The following GPHN variants were observed in gnomAD, a reference collection of about 807,000 sequenced individuals.
GPHN encodes gephyrin.
Under a neutral mutation model 95.5 loss-of-function variants are expected in GPHN, and 17 were observed. That is an observed-to-expected ratio of 0.18 (90% CI 0.12 to 0.27). The LOEUF (loss-of-function observed/expected upper bound fraction) is 0.27, where lower values mean the gene tolerates loss of function less well. GPHN is among the 10% of genes least tolerant of loss of function. The pLI is 1.00. For missense variants in GPHN, 660 were observed against 978.1 expected, an observed-to-expected ratio of 0.67 and a Z score of 4.34; for synonymous variants, 320 against 322.5, an observed-to-expected ratio of 0.99 and a Z score of 0.08.
chr14:67,171,743 A>G (rs1595481014), intron 21 of GPHN, among the ~76,000 whole-genome samples: 1 of 152,188 alleles, frequency 6.6e-6, no homozygotes, highest in African/African-American at 2.4e-5. Flanking sequence ...GTATCCGTGG[A>G]GTAACAGAAA....
chr14:67,021,851 G>A (rs1267211662), intron 9 of GPHN, among the ~76,000 whole-genome samples: 1 of 152,022 alleles, frequency 6.6e-6, no homozygotes, highest in Non-Finnish European at 1.5e-5. Flanking sequence ...CTTTCCATTC[G>A]CAAACATTGC....
chr14:67,201,654 G>A, the GPHN span: 491 of 398,080 alleles, frequency 1.2e-3, 3 homozygotes, highest in Non-Finnish European at 1.7e-3. Flanking sequence ...AAGTTAATCA[G>A]GATTTAATCC....
the GPHN span, chr14:67,685,133 T>A: frequency 1.9e-6 from 3 of 1,614,124 alleles, no homozygotes; most frequent in Non-Finnish European, 2.5e-6. Flanking sequence ...ATCCATCTCA[T>A]GAAAGATGAG....
rs535931339 is a variant in GPHN, at chr14:66,689,916, T to C, written c.143+8731T>C. Among the ~76,000 whole-genome samples, 6 of 152,176 alleles carry C rather than the reference T, an allele frequency of 3.9e-5. No homozygotes were observed. The South Asian group carries it at 1.2e-3, about 32-fold the overall frequency. On this transcript the variant is annotated intron_variant, in intron 2 of 22. Coordinates refer to ENST00000478722, the MANE Select transcript of GPHN (RefSeq NM_020806.5). ...TTTTATTTATTTGAGTCTTTTTTTA[T>C]CTTGGTTTATTTGGGTCTTTTCTCT...
At chr14:67,723,528 C>G in the GPHN span, among the ~76,000 whole-genome samples, 1 of 152,170 alleles carries the variant, frequency 6.6e-6, no homozygotes, top group Non-Finnish European at 1.5e-5. Context: ...AGCCACTGGG[C>G]TCAGCCTAAA....
At chr14:66,547,458 C>T (rs1370423907) in intron 1 of GPHN, among the ~76,000 whole-genome samples, 4 of 152,066 alleles carry the variant, frequency 2.6e-5, no homozygotes, top group Admixed American at 6.6e-5. Flanking sequence ...TGTCATATGA[C>T]GCATGGGCCA....
At chr14:66,753,544 A>G (rs1410816794) in intron 2 of GPHN, among the ~76,000 whole-genome samples, 3 of 152,030 alleles carry the variant, frequency 2.0e-5, no homozygotes, top group Admixed American at 2.0e-4. Context: ...GTTATATTCT[A>G]TTCTATTTTC....
the GPHN span, among the ~76,000 whole-genome samples, chr14:67,212,768 A>G: frequency 1.7e-3 from 254 of 151,740 alleles, 2 homozygotes; most frequent in African/African-American, 6.1e-3. Flanking sequence ...CTAACAAAGT[A>G]TAGGCCAAGG....
At chr14:66,708,972 A>G (rs1430297474) in intron 2 of GPHN, among the ~76,000 whole-genome samples, 1 of 152,200 alleles carries the variant, frequency 6.6e-6, no homozygotes, top group Non-Finnish European at 1.5e-5. Flanking sequence ...GTATTAAAAC[A>G]TAAGAGTTCA....
the GPHN span, chr14:67,198,222 C>T: frequency 6.2e-7 from 1 of 1,613,860 alleles, no homozygotes; most frequent in Non-Finnish European, 8.5e-7. Context: ...TCTCTGCACC[C>T]CACACTCCCA....
the GPHN span, chr14:67,472,385 T>C: frequency 6.6e-6 from 1 of 152,288 alleles, no homozygotes; most frequent in Non-Finnish European, 1.5e-5. Flanking sequence ...AACTCTGGCT[T>C]TTCCCCACCA....
the GPHN span, chr14:67,677,681 C>T: frequency 6.6e-6 from 1 of 152,070 alleles, no homozygotes; most frequent in East Asian, 1.9e-4. Flanking sequence ...GACTGGATGG[C>T]ACTGGTTTGC....
the GPHN span, among the ~76,000 whole-genome samples, chr14:67,254,548 T>C: frequency 5.9e-5 from 9 of 152,226 alleles, no homozygotes; most frequent in East Asian, 3.8e-4. Context: ...TCCTTTCTTA[T>C]CAGATTTTTC....
intron 18 of GPHN, among the ~76,000 whole-genome samples, chr14:67,154,547 G>T (rs1180126753): frequency 1.3e-5 from 2 of 151,938 alleles, no homozygotes; most frequent in South Asian, 2.1e-4. Context: ...GAAATGTTTG[G>T]TGCACTAACA....
the GPHN span, chr14:67,579,683 G>C: frequency 6.2e-7 from 1 of 1,601,322 alleles, no homozygotes. Context: ...CTCCTCTCAG[G>C]AGGTTCACTC....
intron 17 of GPHN, among the ~76,000 whole-genome samples, chr14:67,128,007 T>G (rs1225450653): frequency 6.6e-6 from 1 of 152,190 alleles, no homozygotes; most frequent in African/African-American, 2.4e-5. Context: ...ACATACTATT[T>G]CCATGTCTTC....
At chr14:67,639,910 G>GC in the GPHN span, among the ~76,000 whole-genome samples, 1 of 122,824 alleles carries the variant, frequency 8.1e-6, no homozygotes, top group African/African-American at 3.2e-5. Context: ...GCATGATAGC[G>GC]CAAGACCCTG....
chr14:67,274,922 T>G, the GPHN span, among the ~76,000 whole-genome samples: 1 of 152,174 alleles, frequency 6.6e-6, no homozygotes, highest in East Asian at 1.9e-4. Flanking sequence ...GGCTCTCTAT[T>G]TGTCTGTTAT....
chr14:66,891,051 A>G (rs1227540038), intron 5 of GPHN, among the ~76,000 whole-genome samples: 1 of 152,166 alleles, frequency 6.6e-6, no homozygotes, highest in African/African-American at 2.4e-5. Flanking sequence ...TTCCACTTCC[A>G]TTCAACATAG....
Sources: allele counts gnomAD v4.1 joint callset (sites outside exome capture counted in the v4.1 genomes callset), GRCh38; gene constraint gnomAD v4.1.1; transcripts MANE v1.5; gene names NCBI Gene and HGNC (gene_info 2026-07-23, HGNC 2026-07-21).